The following ADAM12 variants were observed in gnomAD, a reference collection of about 807,000 sequenced individuals.
ADAM12 encodes ADAM metallopeptidase domain 12.
A neutral mutation model predicts 106.4 loss-of-function variants in ADAM12; 70 were observed. The ratio of observed to expected loss-of-function variants is 0.66; its 90% CI spans 0.54 to 0.80. ADAM12 has a LOEUF of 0.80. ADAM12 is among the 30% of genes least tolerant of loss of function. ADAM12 has a pLI of 0.00. For missense variants in ADAM12, 1,010 were observed against 1,171.9 expected (o/e 0.86, Z 2.02); for synonymous variants, 420 against 433.5 (o/e 0.97, Z 0.39).
intron 1 of ADAM12, among the ~76,000 whole-genome samples, chr10:126,350,843 G>A (rs1855326180): frequency 6.6e-6 from 1 of 152,170 alleles, no homozygotes; most frequent in South Asian, 2.1e-4. Flanking sequence ...CAGAGCTCAG[G>A]CTCACATCCA....
chr10:126,100,277 AAG>A (rs1344334550), intron 9 of ADAM12, among the ~76,000 whole-genome samples: 1 of 152,208 alleles, frequency 6.6e-6, no homozygotes, highest in African/African-American at 2.4e-5. Flanking sequence ...TAGAAAACCA[AAG>A]AGTCACAGCC....
chr10:126,118,253 A>G, intron 5 of ADAM12, 29 bp from the exon 6 acceptor site: 2 of 1,555,418 alleles, frequency 1.3e-6, no homozygotes, highest in Non-Finnish European at 1.8e-6. Flanking sequence ...GAAAAAATAT[A>G]TAATTTTAAG....
At chr10:126,183,679 C>T (rs1957353602) in intron 3 of ADAM12, among the ~76,000 whole-genome samples, 2 of 152,212 alleles carry the variant, frequency 1.3e-5, no homozygotes, top group South Asian at 4.1e-4. Flanking sequence ...ATCCTAAGTG[C>T]TTTGAGTATG....
chr10:126,051,536 C>CCCATCCATCCATCCATCCAT (rs61278142), intron 14 of ADAM12, among the ~76,000 whole-genome samples: 4 of 118,892 alleles, frequency 3.4e-5, no homozygotes, highest in Admixed American at 2.7e-4. Flanking sequence ...CAGCCAGCCA[C>CCCATCCATCCATCCATCCAT]CCATCCATCC....
chr10:126,155,741 G>C (rs1395230369), intron 3 of ADAM12, among the ~76,000 whole-genome samples: 1 of 152,194 alleles, frequency 6.6e-6, no homozygotes, highest in African/African-American at 2.4e-5. Flanking sequence ...CCACCTGCTG[G>C]GAAAATCATT....
chr10:126,300,192 C>T (rs1268356861), intron 2 of ADAM12, among the ~76,000 whole-genome samples: 2 of 152,160 alleles, frequency 1.3e-5, no homozygotes, highest in Non-Finnish European at 2.9e-5. Flanking sequence ...AGCTACTGTC[C>T]TCTTGCCCTG....
intron 3 of ADAM12, among the ~76,000 whole-genome samples, chr10:126,277,592 T>G (rs1959329440): frequency 6.6e-6 from 1 of 152,206 alleles, no homozygotes; most frequent in Non-Finnish European, 1.5e-5. Context: ...TGTAAAGAAA[T>G]AGAGTATGAA....
At chr10:126,316,787 A>G (rs1853892282) in intron 2 of ADAM12, among the ~76,000 whole-genome samples, 1 of 150,848 alleles carries the variant, frequency 6.6e-6, no homozygotes, top group South Asian at 2.1e-4. Context: ...CTATCTCAAA[A>G]AAAAAAAAAA....
chr10:126,211,771 T>A (rs1269239582), intron 3 of ADAM12, among the ~76,000 whole-genome samples: 1 of 152,230 alleles, frequency 6.6e-6, no homozygotes. Context: ...CATGTGATGC[T>A]GGACCTGCCA....
At chr10:126,046,731 A>T (rs1468846616) in intron 16 of ADAM12, among the ~76,000 whole-genome samples, 1 of 136,036 alleles carries the variant, frequency 7.4e-6, no homozygotes, top group African/African-American at 2.7e-5. Context: ...TGAACCAGGG[A>T]GTTGGAGGTT....
At chr10:126,290,706 T>C (rs754522808) in intron 2 of ADAM12, among the ~76,000 whole-genome samples, 6 of 152,188 alleles carry the variant, frequency 3.9e-5, no homozygotes, top group Admixed American at 1.3e-4. Context: ...TTCAAAAATT[T>C]TTCAAAAAGG....
chr10:126,293,409 C>T (rs184589013), intron 2 of ADAM12, among the ~76,000 whole-genome samples: 37 of 152,338 alleles, frequency 2.4e-4, no homozygotes, highest in African/African-American at 8.4e-4. Flanking sequence ...TAGTTTGTAA[C>T]CCTGGCCTGG....
chr10:126,210,756 G>A (rs1438557456), intron 3 of ADAM12, among the ~76,000 whole-genome samples: 1 of 152,176 alleles, frequency 6.6e-6, no homozygotes, highest in Admixed American at 6.5e-5. Context: ...CAGAGCAGGA[G>A]AGCAGAGGGC....
chr10:126,138,365 ATTTTTATTTTATT>A (rs1565087887), intron 4 of ADAM12, among the ~76,000 whole-genome samples: 2 of 151,666 alleles, frequency 1.3e-5, no homozygotes, highest in Admixed American at 6.6e-5. Context: ...TACTTTCTTA[ATTTTTATTTTATT>A]TATTTATTTT....
At chr10:126,250,173 C>T (rs1719394143) in intron 3 of ADAM12, among the ~76,000 whole-genome samples, 2 of 152,162 alleles carry the variant, frequency 1.3e-5, no homozygotes, top group Non-Finnish European at 2.9e-5. Flanking sequence ...GGTTTCTTCC[C>T]CCAGCATAAT....
intron 1 of ADAM12, among the ~76,000 whole-genome samples, chr10:126,343,053 TTTA>T (rs932227149): frequency 2.6e-5 from 4 of 152,266 alleles, no homozygotes; most frequent in South Asian, 2.1e-4. Context: ...TTTTTCTTTT[TTTA>T]TTATTATACT....
intron 5 of ADAM12, among the ~76,000 whole-genome samples, chr10:126,127,283 C>T (rs778036437): frequency 4.6e-5 from 7 of 152,158 alleles, no homozygotes; most frequent in Admixed American, 1.3e-4. Context: ...GCTGATGGAG[C>T]GAGCACCACA....
intron 3 of ADAM12, among the ~76,000 whole-genome samples, chr10:126,237,698 C>T (rs575203258): frequency 4.6e-5 from 7 of 152,276 alleles, no homozygotes; most frequent in Non-Finnish European, 7.4e-5. Flanking sequence ...GAAAATCATA[C>T]GTTTGTAGCA....
chr10:126,302,656 T>C (rs1960674450), intron 2 of ADAM12, among the ~76,000 whole-genome samples: 1 of 151,908 alleles, frequency 6.6e-6, no homozygotes, highest in South Asian at 2.1e-4. Context: ...CTGTCTAGAG[T>C]CAGTTTGTAT....
Sources: allele counts gnomAD v4.1 joint callset (sites outside exome capture counted in the v4.1 genomes callset), GRCh38; gene constraint gnomAD v4.1.1; transcripts MANE v1.5; gene names NCBI Gene and HGNC (gene_info 2026-07-23, HGNC 2026-07-21).